Variants in FAM168B observed in about 807,000 individuals in gnomAD.
The protein encoded by FAM168B is family with sequence similarity 168 member B.
FAM168B carries 19 observed loss-of-function variants against 21.8 expected under a neutral mutation model. The ratio of observed to expected loss-of-function variants is 0.87; its 90% CI spans 0.61 to 1.28. The LOEUF is 1.28. FAM168B is among the 50% of genes most tolerant of loss of function. The pLI is 0.00. For missense variants in FAM168B, 233 were observed against 263.1 expected (o/e 0.89, Z 0.79); for synonymous variants, 126 against 104.8 (o/e 1.20, Z -1.24).
chr2:131,050,505 T>G lies in FAM168B; in HGVS notation c.*1960A>C, dbSNP rs984007583. On this transcript the variant is annotated 3_prime_UTR_variant, in exon 7 of 7. Transcript: ENST00000389915. The stretch of plus-strand genomic sequence containing the variant: ...TGCGGTAAATGTCTGCCCCCACACA[T>G]AGACACTAAGATGGATTAAGTGCTC... 6 of 985,052 alleles carry G rather than the reference T, an allele frequency of 6.1e-6. No homozygotes were observed. The highest frequency in any genetic ancestry group is 7.2e-6 in the Non-Finnish European group (6 of 829,224). 61.0% of individuals were successfully genotyped at this position (985,052 alleles called of 1,614,324 possible).
At chr2:131,056,130 C>T (rs956137622) in intron 3 of FAM168B, among the ~76,000 whole-genome samples, 3 of 152,158 alleles carry the variant, frequency 2.0e-5, no homozygotes, top group Admixed American at 6.5e-5. Flanking sequence ...AGAGACTTAA[C>T]TGTAAGCATG....
intron 2 of FAM168B, among the ~76,000 whole-genome samples, chr2:131,078,594 T>C (rs1693279420): frequency 6.6e-6 from 1 of 152,090 alleles, no homozygotes; most frequent in Admixed American, 6.6e-5. Context: ...ACAAATAAAA[T>C]CGCATCTAGT....
chr2:131,074,995 T>C (rs1483063805), intron 2 of FAM168B, among the ~76,000 whole-genome samples: 1 of 152,136 alleles, frequency 6.6e-6, no homozygotes. Flanking sequence ...GATCCCCCTC[T>C]ACCTCAGCAG....
chr2:131,050,205 A>G lies in FAM168B; in HGVS notation c.*2260T>C, dbSNP rs1691575072. 1.0e-6 allele frequency: 1 copy of G among 985,384 alleles called. No homozygotes were observed. Among genetic ancestry groups the G allele is most frequent in the South Asian group, 4.7e-5 (1 of 21,298 alleles). The allele number at this position is 985,384 out of a possible 1,614,324, so 61.0% of individuals were successfully genotyped here. A position where few individuals can be genotyped will look rare whatever the true frequency, so the allele number is the denominator to read the frequency against. ...CAAGCAAGCCTGAAGAGATGCCTGT[A>G]ACTTCTAACCTCCTCCTGAACCCCA... On this transcript the variant is annotated 3_prime_UTR_variant, in exon 7 of 7. Coordinates refer to ENST00000389915, the MANE Select transcript of FAM168B (RefSeq NM_001009993.4).
intron 5 of FAM168B, among the ~76,000 whole-genome samples, chr2:131,053,467 G>C (rs1691818258): frequency 6.6e-6 from 1 of 152,218 alleles, no homozygotes; most frequent in African/African-American, 2.4e-5. Context: ...AAAGAAAGTA[G>C]AACAGGGAAT....
intron 3 of FAM168B, among the ~76,000 whole-genome samples, chr2:131,070,578 T>C (rs1292434108): frequency 6.6e-6 from 1 of 152,232 alleles, no homozygotes; most frequent in Non-Finnish European, 1.5e-5. Context: ...TCAAAGTGTA[T>C]GTTCACACAA....
At chr2:131,067,780 G>GAA (rs1294539058) in intron 3 of FAM168B, among the ~76,000 whole-genome samples, 9 of 151,828 alleles carry the variant, frequency 5.9e-5, no homozygotes, top group Non-Finnish European at 1.5e-5. Context: ...GAAAGACAGA[G>GAA]AAAAAGCAGC....
At position 131,048,878 on chromosome 2, in the gene FAM168B, T is replaced by G. The variant is rs532218773; in HGVS notation, c.*3587A>C. ...GCTGCTGCGCCCAATGGAGGTCCTGTCCTGTCCGGGCAACAGCCAAACTGG... is the reference window on the plus strand; with the variant it reads ...GCTGCTGCGCCCAATGGAGGTCCTGGCCTGTCCGGGCAACAGCCAAACTGG... On this transcript the variant is annotated 3_prime_UTR_variant, in exon 7 of 7. Transcript: ENST00000389915. 9.1e-6 allele frequency: 9 copies of G among 986,104 alleles called. No homozygotes were observed. In the East Asian group the frequency reaches 1.0e-3, roughly 112 times the overall value. 61.1% of individuals were successfully genotyped at this position (986,104 alleles called of 1,614,324 possible).
chr2:131,074,638 G>C (rs1470933285), intron 2 of FAM168B, among the ~76,000 whole-genome samples: 1 of 152,114 alleles, frequency 6.6e-6, no homozygotes, highest in African/African-American at 2.4e-5. Flanking sequence ...ACTTGGACTG[G>C]GATTTTTAAG....
chr2:131,047,877 G>A lies in FAM168B; in HGVS notation c.*4588C>T. ...GGAGAAATCATGAAAACCACAATATGCAACACAAGTCAATCTTTATTGAAA... is the reference window on the plus strand; with the variant it reads ...GGAGAAATCATGAAAACCACAATATACAACACAAGTCAATCTTTATTGAAA... On this transcript the variant is annotated 3_prime_UTR_variant, in exon 7 of 7. Coordinates refer to ENST00000389915, the MANE Select transcript of FAM168B (RefSeq NM_001009993.4). 1 of 163,868 alleles carries A rather than the reference G, an allele frequency of 6.1e-6. No individual in the cohort carries two copies. Among genetic ancestry groups the A allele is most frequent in the South Asian group, 1.5e-4 (1 of 6,590 alleles). The allele number at this position is 163,868 out of a possible 1,614,324, so 10.2% of individuals were successfully genotyped here.
At chr2:131,064,601 T>C (rs1166591185) in intron 3 of FAM168B, among the ~76,000 whole-genome samples, 1 of 152,184 alleles carries the variant, frequency 6.6e-6, no homozygotes, top group African/African-American at 2.4e-5. Context: ...CAGAATAAAA[T>C]GTTTTCAGAC....
intron 1 of FAM168B, among the ~76,000 whole-genome samples, chr2:131,084,892 T>A (rs1693604540): frequency 1.3e-5 from 2 of 152,268 alleles, no homozygotes; most frequent in South Asian, 4.1e-4. Flanking sequence ...CTGGCTCATT[T>A]TTAGTAGAGA....
intron 3 of FAM168B, among the ~76,000 whole-genome samples, chr2:131,056,076 T>C (rs1410902909): frequency 6.6e-6 from 1 of 152,200 alleles, no homozygotes; most frequent in African/African-American, 2.4e-5. Context: ...ATTCCACTTC[T>C]AGAAGTCTGT....
In FAM168B at chr2:131,049,127, G is replaced by T; in HGVS notation, c.*3338C>A. ...ACCTTACGGGGGCCAACACTGACAG[G>T]TATTAGTACGTCGCAAGTTGCTGTA... is the stretch of plus-strand genomic sequence containing the variant. On this transcript the variant is annotated 3_prime_UTR_variant, in exon 7 of 7. Coordinates refer to ENST00000389915, the MANE Select transcript of FAM168B (RefSeq NM_001009993.4). 3.0e-6 allele frequency: 3 copies of T among 985,432 alleles called. No homozygotes were observed. The highest frequency in any genetic ancestry group is 3.6e-6 in the Non-Finnish European group (3 of 829,940). The allele number at this position is 985,432 out of a possible 1,614,324, so 61.0% of individuals were successfully genotyped here. A position where few individuals can be genotyped will look rare whatever the true frequency, so the allele number is the denominator to read the frequency against.
intron 1 of FAM168B, among the ~76,000 whole-genome samples, chr2:131,088,058 C>T (rs1311763290): frequency 1.3e-5 from 2 of 152,098 alleles, no homozygotes; most frequent in Non-Finnish European, 2.9e-5. Flanking sequence ...CCAGCCTGGG[C>T]AACATGGTGA....
rs73000366 is a variant in FAM168B at position 131,054,989 on chromosome 2, A to G, written c.475+283T>C. Among the ~76,000 whole-genome samples the G allele has an allele frequency of 5.9e-3, 896 of 152,226 alleles. 9 individuals are homozygous for G. The highest frequency in any genetic ancestry group is 0.02 in the African/African-American group (815 of 41,542). On this transcript the variant is annotated intron_variant, in intron 5 of 6. Coordinates refer to ENST00000389915, the MANE Select transcript of FAM168B (RefSeq NM_001009993.4). ...TGTCCTCCTTCTACTCAAGTCTTACATGGTCATAGGGGGTGGGAGGAGAGG... is the reference window on the plus strand; with the variant it reads ...TGTCCTCCTTCTACTCAAGTCTTACGTGGTCATAGGGGGTGGGAGGAGAGG...
Position 131,052,388 on chromosome 2 carries a change from CG to C in FAM168B, c.*76del. The C allele has an allele frequency of 1.0e-6, 1 of 986,882 alleles. No individual in the cohort carries two copies. Among genetic ancestry groups the C allele is most frequent in the Non-Finnish European group, 1.2e-6 (1 of 830,570 alleles). The allele number at this position is 986,882 out of a possible 1,614,324, so 61.1% of individuals were successfully genotyped here. A position where few individuals can be genotyped will look rare whatever the true frequency, so the allele number is the denominator to read the frequency against. On this transcript the variant is annotated 3_prime_UTR_variant, in exon 7 of 7. Transcript: ENST00000389915. ...TTAAGAAGAAAGTCCTGGTTGGAGG[CG>C]CAAGGCCTGCAGCACCAGCTGTGGA...
Position 131,048,263 on chromosome 2 carries a change from T to G in FAM168B, c.*4202A>C. 1.5e-6 allele frequency: 2 copies of G among 1,304,250 alleles called. No homozygotes were observed. The highest frequency in any genetic ancestry group is 1.0e-6 in the Non-Finnish European group (1 of 988,920). 80.8% of individuals were successfully genotyped at this position (1,304,250 alleles called of 1,614,324 possible). A position where few individuals can be genotyped will look rare whatever the true frequency, so the allele number is the denominator to read the frequency against. ...CTCCGTGTGGCCAGCACAGCAACCC[T>G]GCTAGGAGCACAAACGGCTGGCCTG... On this transcript the variant is annotated 3_prime_UTR_variant, in exon 7 of 7. Coordinates refer to ENST00000389915, the MANE Select transcript of FAM168B (RefSeq NM_001009993.4).
chr2:131,088,290 T>C (rs1693820752), intron 1 of FAM168B, among the ~76,000 whole-genome samples: 1 of 151,832 alleles, frequency 6.6e-6, no homozygotes, highest in South Asian at 2.1e-4. Flanking sequence ...TAACTTCCAG[T>C]TTACAAGAAA....
Sources: allele counts gnomAD v4.1 joint callset (sites outside exome capture counted in the v4.1 genomes callset), GRCh38; gene constraint gnomAD v4.1.1; transcripts MANE v1.5; gene names NCBI Gene and HGNC (gene_info 2026-07-23, HGNC 2026-07-21).